The following SMC3 variants were observed in gnomAD, a reference collection of about 807,000 sequenced individuals.
SMC3 encodes structural maintenance of chromosomes protein 3.
A neutral mutation model predicts 171.8 loss-of-function variants in SMC3; 20 were observed. That is an observed-to-expected ratio of 0.12 (90% CI 0.08 to 0.17). The LOEUF (loss-of-function observed/expected upper bound fraction) is 0.17, where lower values mean the gene tolerates loss of function less well. Ranked by LOEUF, SMC3 falls within the 10% of genes least tolerant of loss-of-function variation. The pLI is 1.00. For synonymous variants in SMC3, 464 were observed against 451.1 expected (o/e 1.03, Z -0.36); for missense variants, 543 against 1,420.4 (o/e 0.38, Z 9.93).
intron 7 of SMC3, among the ~76,000 whole-genome samples, chr10:110,579,865 G>C (rs1409347238): frequency 1.3e-5 from 2 of 152,144 alleles, no homozygotes; most frequent in Non-Finnish European, 2.9e-5. Context: ...TTTTAATGCA[G>C]TGATATCATT....
intron 18 of SMC3, among the ~76,000 whole-genome samples, chr10:110,594,107 C>CATTTGT (rs112495559): frequency 6.6e-6 from 1 of 152,040 alleles, no homozygotes; most frequent in Admixed American, 6.5e-5. Flanking sequence ...GAAATGTGAT[C>CATTTGT]ATATAGCAGG....
intron 19 of SMC3, among the ~76,000 whole-genome samples, chr10:110,597,821 A>G (rs542395356): frequency 1.3e-5 from 2 of 152,330 alleles, no homozygotes; most frequent in Admixed American, 6.5e-5. Flanking sequence ...GAATGAAAAG[A>G]TATTTAAAAG....
intron 13 of SMC3, among the ~76,000 whole-genome samples, chr10:110,588,687 T>G (rs1861161409): frequency 6.6e-6 from 1 of 152,202 alleles, no homozygotes; most frequent in South Asian, 2.1e-4. Flanking sequence ...TCAGCTTCCT[T>G]AAACTCTAGC....
In SMC3 at chr10:110,577,935, T is replaced by C. The variant is rs11195194; in HGVS notation, c.350+21T>C. On this transcript the variant is annotated intron_variant, in intron 6 of 28. Coordinates refer to ENST00000361804, the MANE Select transcript of SMC3 (RefSeq NM_005445.4). ...GTCACGTAAGCATTTTTCTTTTTTT[T>C]AAAAAAACTGAATATGTACTTAAAT... The C allele has an allele frequency of 2.6e-6, 4 of 1,513,868 alleles. No individual in the cohort carries two copies. The African/African-American group carries it at 5.5e-5, about 21-fold the overall frequency. 93.8% of individuals were successfully genotyped at this position (1,513,868 alleles called of 1,614,324 possible).
intron 23 of SMC3, 49 bp from the exon 24 acceptor site, chr10:110,601,588 C>G: frequency 6.3e-7 from 1 of 1,577,772 alleles, no homozygotes; most frequent in Non-Finnish European, 8.6e-7. Flanking sequence ...CAACATATAA[C>G]ACTGGCTTTA....
In SMC3 at chr10:110,581,904, T is replaced by C; in HGVS notation, c.548-19T>C. On this transcript the variant is annotated intron_variant, in intron 8 of 28. Transcript: ENST00000361804. ...AAATCTTATTCAATTCTTCCACCTCTCTCCCCATTTCTTTTAAGAGGGCAA... is the reference window on the plus strand; with the variant it reads ...AAATCTTATTCAATTCTTCCACCTCCCTCCCCATTTCTTTTAAGAGGGCAA... 1 of 1,602,332 alleles carries C rather than the reference T, an allele frequency of 6.2e-7. No individual in the cohort carries two copies. Among genetic ancestry groups the C allele is most frequent in the Non-Finnish European group, 8.5e-7 (1 of 1,170,208 alleles).
Position 110,602,606 on chromosome 10 carries a change from G to A in SMC3, c.3238G>A (p.Gly1080Ser). ...EGEGSGESER[G>S]SGSQSSVPSV... ...AGAAGGGAGTGGTGAGAGTGAGAGG[G>A]GTTCTGGCTCACAAAGCAGTGTCCC... Residue 1080 changes from glycine (G) to serine (S), a missense_variant, in exon 26 of 29, where the codon GGT becomes AGT. Gly to Ser is a moderately conservative substitution (Grantham distance 56). Around this residue, in one of 8 missense-constraint regions of SMC3, gnomAD observed 34 missense variants for 59.1 expected, o/e 0.58. Transcript: ENST00000361804. 1 of 1,613,994 alleles carries A rather than the reference G, an allele frequency of 6.2e-7. No individual in the cohort carries two copies.
At chr10:110,600,788 C>T (rs1861374088) in intron 22 of SMC3, among the ~76,000 whole-genome samples, 1 of 152,104 alleles carries the variant, frequency 6.6e-6, no homozygotes, top group Admixed American at 6.5e-5. Flanking sequence ...AATTGCTATC[C>T]TGACACATTC....
chr10:110,568,107 G>GGGCC (rs1206965005), intron 1 of SMC3, among the ~76,000 whole-genome samples: 12 of 152,136 alleles, frequency 7.9e-5, no homozygotes, highest in African/African-American at 2.4e-4. Flanking sequence ...GCCGGCGGGC[G>GGGCC]GGCCGCTGGG....
intron 2 of SMC3, 46 bp downstream of exon 2, chr10:110,569,059 T>G: frequency 8.5e-7 from 1 of 1,177,566 alleles, no homozygotes; most frequent in South Asian, 1.2e-5. Context: ...TCTATACAGA[T>G]AATGTAAATT....
chr10:110,590,845 G>A, intron 16 of SMC3, 146 bp from the exon 17 acceptor site: 1 of 765,816 alleles, frequency 1.3e-6, no homozygotes, highest in East Asian at 2.7e-5. Flanking sequence ...AAAACTGTTT[G>A]ATGCTTAAGT....
rs1379612735 is a variant in SMC3 at position 110,582,609 on chromosome 10, A to G, written c.771A>G (p.Arg257=). ...GTGGAGAAAAATCCAGACAATTAAG[A>G]GATGCTCAGCAGGATGCAAGAGATA... ...ETSGEKSRQL[R]DAQQDARDKM... is the part of the protein sequence containing the mutation. The change falls in exon 10 of 29, where the codon AGA becomes AGG. Residue 257 remains arginine (R), a synonymous_variant. Coordinates refer to ENST00000361804, the MANE Select transcript of SMC3 (RefSeq NM_005445.4). The G allele has an allele frequency of 1.9e-6, 3 of 1,613,570 alleles. No individual in the cohort carries two copies. Among genetic ancestry groups the G allele is most frequent in the Non-Finnish European group, 1.7e-6 (2 of 1,179,604 alleles).
intron 2 of SMC3, among the ~76,000 whole-genome samples, chr10:110,573,252 G>A (rs1860898288): frequency 6.6e-6 from 1 of 151,740 alleles, no homozygotes; most frequent in Non-Finnish European, 1.5e-5. Flanking sequence ...TATTTTTGTG[G>A]TTCTGTGAGA....
At chr10:110,581,510 C>G (rs1305620261) in intron 8 of SMC3, among the ~76,000 whole-genome samples, 1 of 152,052 alleles carries the variant, frequency 6.6e-6, no homozygotes, top group Admixed American at 6.5e-5. Context: ...AGCCACTGCG[C>G]CTGGCCGGCA....
chr10:110,598,689 A>G (rs1453729179), intron 20 of SMC3, among the ~76,000 whole-genome samples: 1 of 152,138 alleles, frequency 6.6e-6, no homozygotes, highest in Admixed American at 6.5e-5. Flanking sequence ...TACAAGTGTG[A>G]GCCACTGTGC....
intron 20 of SMC3, among the ~76,000 whole-genome samples, chr10:110,599,323 C>T (rs1861351132): frequency 6.6e-6 from 1 of 152,180 alleles, no homozygotes; most frequent in South Asian, 2.1e-4. Flanking sequence ...TCTCGAACTC[C>T]TGACCTCGTG....
chr10:110,569,928 AAC>A (rs1564787108), intron 2 of SMC3, among the ~76,000 whole-genome samples: 1 of 152,262 alleles, frequency 6.6e-6, no homozygotes. Context: ...GGACACCAGA[AAC>A]ACAGACTGCT....
chr10:110,583,638 G>A, intron 11 of SMC3, 90 bp downstream of exon 11: 1 of 1,436,134 alleles, frequency 7.0e-7, no homozygotes, highest in Non-Finnish European at 9.7e-7. Context: ...GTGTGTGTTG[G>A]AATTTTTTTT....
At chr10:110,570,424 G>A (rs1005481175) in intron 2 of SMC3, among the ~76,000 whole-genome samples, 2 of 22,802 alleles carry the variant, frequency 8.8e-5, no homozygotes. Flanking sequence ...GAATAAAGAA[G>A]GCATACTTTT....
Sources: allele counts gnomAD v4.1 joint callset (sites outside exome capture counted in the v4.1 genomes callset), GRCh38; gene constraint gnomAD v4.1.1; regional missense constraint gnomAD v4.1.1; transcripts MANE v1.5; gene names NCBI Gene and HGNC (gene_info 2026-07-23, HGNC 2026-07-21).